Variants in TTC6 observed in about 807,000 individuals in gnomAD.
TTC6 encodes tetratricopeptide repeat domain 6, also known as tetratricopeptide repeat protein 6.
A neutral mutation model predicts 210.4 loss-of-function variants in TTC6; 172 were observed. The observed-to-expected ratio is 0.82, with a 90% confidence interval of 0.72 to 0.93. The LOEUF (loss-of-function observed/expected upper bound fraction) is 0.93, where lower values mean the gene tolerates loss of function less well. TTC6 is among the 40% of genes least tolerant of loss of function. The pLI is 0.00. For missense variants in TTC6, 2,414 were observed against 2,318.1 expected (o/e 1.04, Z -0.85); for synonymous variants, 804 against 819.6 (o/e 0.98, Z 0.32).
intron 1 of TTC6, among the ~76,000 whole-genome samples, chr14:37,670,532 G>C (rs945640095): frequency 1.4e-5 from 2 of 140,734 alleles, no homozygotes; most frequent in Non-Finnish European, 3.0e-5. Context: ...GTGCAGTGGC[G>C]TAATCTTGGC....
chr14:37,707,140 T>A (rs1241179441), intron 5 of TTC6, among the ~76,000 whole-genome samples: 1 of 152,092 alleles, frequency 6.6e-6, no homozygotes, highest in Non-Finnish European at 1.5e-5. Context: ...TTTTCATTTA[T>A]TTGCATGTAA....
At chr14:37,739,034 G>T in exon 10 of TTC6, 1 of 1,535,474 alleles carries the variant, frequency 6.5e-7, no homozygotes, top group East Asian at 2.4e-5. Flanking sequence ...GTCTAAAAAA[G>T]CTGGCATTAG....
intron 14 of TTC6, among the ~76,000 whole-genome samples, chr14:37,759,480 T>C (rs2095977641): frequency 6.6e-6 from 1 of 152,124 alleles, no homozygotes; most frequent in Non-Finnish European, 1.5e-5. Flanking sequence ...ATTATGTTTC[T>C]TGGGATTGCA....
intron 24 of TTC6, among the ~76,000 whole-genome samples, chr14:37,810,560 T>C (rs1595298971): frequency 6.6e-6 from 1 of 152,288 alleles, no homozygotes; most frequent in East Asian, 1.9e-4. Flanking sequence ...GTTAGTGACC[T>C]GTACTGGTGT....
At chr14:37,805,006 T>A (rs12100506) in intron 21 of TTC6, among the ~76,000 whole-genome samples, 192 bp downstream of exon 23, 8,297 of 152,264 alleles carry the variant, frequency 0.054, 721 homozygotes, top group African/African-American at 0.19. Flanking sequence ...CATGTTTTAT[T>A]TGATGCTTGT....
chr14:37,804,928 TATGAAGCTTGGCTTGTTATAGTCATTCTG>T, intron 21 of TTC6, 114 bp downstream of exon 23: 1 of 1,175,454 alleles, frequency 8.5e-7, no homozygotes, highest in Non-Finnish European at 1.2e-6. Context: ...CAAAGCTGCT[TATGAAGCTTGGCTTGTTATAGTCATTCTG>T]CACCCTGCAA....
chr14:37,794,484 T>C (rs1263467785), intron 17 of TTC6, among the ~76,000 whole-genome samples: 2 of 151,188 alleles, frequency 1.3e-5, no homozygotes, highest in African/African-American at 4.9e-5. Flanking sequence ...CTTTTGGTAA[T>C]ATTTTCAATG....
At chr14:37,680,329 G>GTT in intron 2 of TTC6, 68 bp downstream of exon 4, 1 of 1,038,732 alleles carries the variant, frequency 9.6e-7, no homozygotes, top group Non-Finnish European at 1.4e-6. Context: ...TTGCTTGAAT[G>GTT]TTTATATAGA....
intron 14 of TTC6, among the ~76,000 whole-genome samples, chr14:37,776,934 C>G (rs2096039604): frequency 6.6e-6 from 1 of 152,152 alleles, no homozygotes; most frequent in South Asian, 2.1e-4. Flanking sequence ...CCAATCTCTT[C>G]TGGCTTCTAG....
In TTC6 at chr14:37,668,561, A is replaced by T; in HGVS notation, c.940-11590A>T. Among the ~76,000 whole-genome samples the T allele has an allele frequency of 1.5e-5, 2 of 135,636 alleles. 1 individual carries two copies. Among genetic ancestry groups the T allele is most frequent in the Non-Finnish European group, 3.5e-5 (2 of 56,546 alleles). The allele number at this position is 135,636 out of a possible 152,430, so 89.0% of individuals were successfully genotyped here. On this transcript the variant is annotated intron_variant, in intron 1 of 30. Coordinates refer to ENST00000553443, the Ensembl canonical transcript of TTC6. ...AGCAACCTGCAAGCTCTTGAGTCCT[A>T]GGGTAGGAATTGGCGCATCGTTACT...
intron 6 of TTC6, among the ~76,000 whole-genome samples, chr14:37,722,285 C>G (rs939940249): frequency 3.9e-5 from 6 of 152,080 alleles, no homozygotes; most frequent in African/African-American, 1.4e-4. Flanking sequence ...CAGCTACTAC[C>G]CCTGTTGCTT....
intron 7 of TTC6, among the ~76,000 whole-genome samples, chr14:37,733,266 A>G (rs1483264656): frequency 6.6e-6 from 1 of 152,176 alleles, no homozygotes; most frequent in Non-Finnish European, 1.5e-5. Context: ...CATTTTATGT[A>G]ATATACCTTA....
chr14:37,824,449 A>C (rs569413488), intron 27 of TTC6, among the ~76,000 whole-genome samples: 103 of 152,316 alleles, frequency 6.8e-4, no homozygotes, highest in South Asian at 6.2e-3. Flanking sequence ...GCTAGAGCTG[A>C]CTGCAATCCA....
intron 1 of TTC6, among the ~76,000 whole-genome samples, chr14:37,639,348 A>G (rs901860144): frequency 6.6e-6 from 1 of 152,216 alleles, no homozygotes; most frequent in African/African-American, 2.4e-5. Context: ...ACTGAAAACT[A>G]CAGACACTTT....
At chr14:37,808,785 A>G (rs199593932) in exon 24 of TTC6, 272 of 1,529,758 alleles carry the variant, frequency 1.8e-4, no homozygotes, top group Non-Finnish European at 2.2e-4. Context: ...ATGGACAAAA[A>G]TAGTTATACA....
intron 29 of TTC6, among the ~76,000 whole-genome samples, chr14:37,833,371 G>C (rs1003406524): frequency 1.3e-5 from 2 of 151,988 alleles, no homozygotes; most frequent in Non-Finnish European, 2.9e-5. Flanking sequence ...TAATGACATT[G>C]TTAGTCTCTT....
intron 1 of TTC6, among the ~76,000 whole-genome samples, chr14:37,641,864 A>G (rs572882154): frequency 6.6e-6 from 1 of 152,208 alleles, no homozygotes; most frequent in South Asian, 2.1e-4. Flanking sequence ...TATAGATAAC[A>G]AAACTGAGAC....
chr14:37,826,414 AAG>A (rs759107373), intron 28 of TTC6, 67 bp downstream of exon 30: 75 of 1,335,072 alleles, frequency 5.6e-5, no homozygotes, highest in Non-Finnish European at 7.2e-5. Flanking sequence ...AGGTGCAAGT[AAG>A]AAGTTCTCTG....
rs537814963 is a variant in TTC6 at position 37,650,983 on chromosome 14, A to T, written c.939+27980A>T. On this transcript the variant is annotated intron_variant, in intron 1 of 30. Coordinates refer to ENST00000553443, the Ensembl canonical transcript of TTC6. ...TGTTGGATGGGATGCTAGTTTGAGA[A>T]CTGGTTGGGCAGCTTTTAAAACTTA... is the stretch of plus-strand genomic sequence containing the variant. Among the ~76,000 whole-genome samples, 165 of 152,318 alleles carry T rather than the reference A, an allele frequency of 1.1e-3. 2 individuals are homozygous for T. In the Middle Eastern group the frequency reaches 0.068, roughly 63 times the overall value.
Sources: gnomAD v4.1 joint callset for allele counts (sites outside exome capture counted in the v4.1 genomes callset) on GRCh38, gnomAD v4.1.1 for gene constraint, MANE v1.5 for transcripts, NCBI Gene and HGNC (gene_info 2026-07-23, HGNC 2026-07-21) for gene names.